The following CCDC178 variants were observed in gnomAD, a reference collection of about 807,000 sequenced individuals.
CCDC178 encodes coiled-coil domain containing 178.
A neutral mutation model predicts 117.4 loss-of-function variants in CCDC178; 126 were observed. That is an observed-to-expected ratio of 1.07 (90% CI 0.93 to 1.24). The LOEUF (loss-of-function observed/expected upper bound fraction) is 1.24, where lower values mean the gene tolerates loss of function less well. Among genes scored for constraint, CCDC178 ranks in the 50% most tolerant of loss-of-function variants. CCDC178 has a pLI of 0.00. For missense variants in CCDC178, 1,030 were observed against 986.9 expected, an observed-to-expected ratio of 1.04 and a Z score of -0.59; for synonymous variants, 283 against 313.4, an observed-to-expected ratio of 0.90 and a Z score of 1.02.
intron 20 of CCDC178, among the ~76,000 whole-genome samples, chr18:33,150,337 C>A (rs533312564): frequency 6.6e-6 from 1 of 152,086 alleles, no homozygotes; most frequent in African/African-American, 2.4e-5. Context: ...GCAAATAATT[C>A]ATGACTAAGA....
intron 15 of CCDC178, among the ~76,000 whole-genome samples, chr18:33,230,246 C>CTGTGTGTGTGTG (rs111674114): frequency 2.0e-5 from 3 of 147,998 alleles, no homozygotes; most frequent in African/African-American, 7.4e-5. Flanking sequence ...AACTCAGAGG[C>CTGTGTGTGTGTG]TGTGTGTGTG....
At chr18:32,969,857 TC>T (rs2054889757) in intron 22 of CCDC178, among the ~76,000 whole-genome samples, 1 of 152,098 alleles carries the variant, frequency 6.6e-6, no homozygotes, top group South Asian at 2.1e-4. Context: ...TAGTGCTCAG[TC>T]TTTTTTCCAA....
intron 11 of CCDC178, among the ~76,000 whole-genome samples, chr18:33,318,754 G>C (rs895960482): frequency 1.3e-5 from 2 of 151,944 alleles, no homozygotes; most frequent in African/African-American, 4.8e-5. Flanking sequence ...TCATAACAAA[G>C]AGATGGTCTT....
intron 12 of CCDC178, among the ~76,000 whole-genome samples, chr18:33,280,885 T>C (rs2060016477): frequency 6.6e-6 from 1 of 151,948 alleles, no homozygotes; most frequent in Admixed American, 6.6e-5. Flanking sequence ...TTCTCACTCA[T>C]AGATGGGAAT....
intron 3 of CCDC178, among the ~76,000 whole-genome samples, chr18:33,401,577 T>A (rs535380406): frequency 6.6e-4 from 100 of 152,316 alleles, no homozygotes; most frequent in Non-Finnish European, 1.1e-3. Flanking sequence ...TTTTCTAATG[T>A]AAATTCCTAA....
At chr18:33,361,587 T>G (rs1009932513) in intron 6 of CCDC178, among the ~76,000 whole-genome samples, 1 of 151,548 alleles carries the variant, frequency 6.6e-6, no homozygotes. Context: ...ATATGAAAAA[T>G]GTATTAAAAA....
chr18:33,226,779 C>G lies in CCDC178; in HGVS notation c.1656+14G>C, dbSNP rs2059307395. 2 of 1,532,120 alleles carry G rather than the reference C, an allele frequency of 1.3e-6. No homozygotes were observed. Among genetic ancestry groups the G allele is most frequent in the Non-Finnish European group, 1.8e-6 (2 of 1,131,760 alleles). 94.9% of individuals were successfully genotyped at this position (1,532,120 alleles called of 1,614,324 possible). ...TAAAGGAAGAATAAAATATTAAAAC[C>G]AAATCAGTATTACCTGAAGCACCAT... is the stretch of plus-strand genomic sequence containing the variant. On this transcript the variant is annotated intron_variant, in intron 16 of 22. Coordinates refer to ENST00000383096, the MANE Select transcript of CCDC178 (RefSeq NM_001105528.4).
At chr18:33,271,245 A>T (rs2059885634) in intron 12 of CCDC178, among the ~76,000 whole-genome samples, 1 of 151,640 alleles carries the variant, frequency 6.6e-6, no homozygotes, top group South Asian at 2.1e-4. Context: ...CTACCTTATC[A>T]GTAATTACAT....
At chr18:33,019,271 A>G (rs1303913712) in intron 21 of CCDC178, among the ~76,000 whole-genome samples, 3 of 152,216 alleles carry the variant, frequency 2.0e-5, no homozygotes, top group Admixed American at 6.5e-5. Flanking sequence ...AGACAAAGAA[A>G]GGTGGAGGGT....
intron 2 of CCDC178, among the ~76,000 whole-genome samples, chr18:33,412,416 G>T (rs977844676): frequency 6.6e-6 from 1 of 151,666 alleles, no homozygotes; most frequent in Non-Finnish European, 1.5e-5. Flanking sequence ...CAGCCCTGGG[G>T]GGATTCTAGA....
At position 33,323,646 on chromosome 18, in the gene CCDC178, A is replaced by G. The variant is rs1353903077; in HGVS notation, c.880-13T>C. 6.9e-7 allele frequency: 1 copy of G among 1,442,152 alleles called. No homozygotes were observed. The highest frequency in any genetic ancestry group is 1.6e-5 in the South Asian group (1 of 62,560). 89.3% of individuals were successfully genotyped at this position (1,442,152 alleles called of 1,614,324 possible). A position where few individuals can be genotyped will look rare whatever the true frequency, so the allele number is the denominator to read the frequency against. ...GTAGGTCCATTACCTAGAAATGAAA[A>G]TATTTTTGCTTATATTTGCACTTAA... is the stretch of plus-strand genomic sequence containing the variant. On this transcript the variant is annotated splice_polypyrimidine_tract_variant and intron_variant, in intron 10 of 22. Coordinates refer to ENST00000383096, the MANE Select transcript of CCDC178 (RefSeq NM_001105528.4).
At chr18:33,377,952 T>C (rs2063387120) in intron 5 of CCDC178, among the ~76,000 whole-genome samples, 1 of 152,236 alleles carries the variant, frequency 6.6e-6, no homozygotes, top group Non-Finnish European at 1.5e-5. Flanking sequence ...GTATGAATTT[T>C]AAAATAGTTC....
At chr18:32,975,379 A>G (rs965952368) in intron 21 of CCDC178, among the ~76,000 whole-genome samples, 5 of 152,188 alleles carry the variant, frequency 3.3e-5, no homozygotes, top group African/African-American at 1.2e-4. Context: ...ACAGAAAAAG[A>G]AAGAATTCAC....
intron 21 of CCDC178, among the ~76,000 whole-genome samples, chr18:32,987,098 T>C (rs1224120163): frequency 6.6e-6 from 1 of 151,454 alleles, no homozygotes; most frequent in African/African-American, 2.4e-5. Flanking sequence ...AAGGAAGCAG[T>C]AGAAAAAAAT....
chr18:33,261,725 ATTAG>A (rs1015058997), intron 14 of CCDC178, among the ~76,000 whole-genome samples: 6 of 152,122 alleles, frequency 3.9e-5, no homozygotes, highest in Non-Finnish European at 8.8e-5. Context: ...AATTACCTTG[ATTAG>A]TTATTTTATT....
intron 4 of CCDC178, among the ~76,000 whole-genome samples, chr18:33,392,963 T>C (rs1398811812): frequency 2.0e-5 from 3 of 152,204 alleles, no homozygotes; most frequent in Non-Finnish European, 2.9e-5. Flanking sequence ...AAAAGAAAAT[T>C]AATGCATCAG....
At chr18:33,083,899 A>C (rs773184631) in intron 21 of CCDC178, among the ~76,000 whole-genome samples, 1 of 152,184 alleles carries the variant, frequency 6.6e-6, no homozygotes, top group Non-Finnish European at 1.5e-5. Context: ...ATTCAACTAC[A>C]TTGTGTGTTT....
intron 20 of CCDC178, among the ~76,000 whole-genome samples, chr18:33,165,937 TACA>T (rs1332720370): frequency 5.3e-5 from 8 of 152,190 alleles, no homozygotes; most frequent in Admixed American, 6.5e-5. Flanking sequence ...ACCTAATATT[TACA>T]ACAACAACTA....
chr18:33,091,630 T>C (rs1250960547), intron 21 of CCDC178, among the ~76,000 whole-genome samples: 2 of 152,128 alleles, frequency 1.3e-5, no homozygotes, highest in African/African-American at 4.8e-5. Context: ...TTCATCTTGC[T>C]ATCATTTCAA....
Sources: gnomAD v4.1 joint callset for allele counts (sites outside exome capture counted in the v4.1 genomes callset) on GRCh38, gnomAD v4.1.1 for gene constraint, MANE v1.5 for transcripts, NCBI Gene and HGNC (gene_info 2026-07-23, HGNC 2026-07-21) for gene names.